Variants in NPAS3 observed in about 807,000 individuals in gnomAD.
NPAS3 encodes the protein neuronal PAS domain-containing protein 3.
In NPAS3, 14 loss-of-function variants were observed where a neutral mutation model predicts 73.1. The observed-to-expected ratio is 0.19, with a 90% confidence interval of 0.13 to 0.30. The LOEUF is 0.30. NPAS3 is among the 10% of genes least tolerant of loss of function. NPAS3 has a pLI of 1.00. For synonymous variants in NPAS3, 620 were observed against 541.5 expected, an observed-to-expected ratio of 1.14 and a Z score of -2.01; for missense variants, 1,096 against 1,250.0, an observed-to-expected ratio of 0.88 and a Z score of 1.86.
At chr14:32,984,016 C>T (rs1356829991) in intron 1 of NPAS3, among the ~76,000 whole-genome samples, 4 of 152,088 alleles carry the variant, frequency 2.6e-5, no homozygotes, top group Admixed American at 2.6e-4. Flanking sequence ...GGCACTGCAC[C>T]CGGCCAAATA....
chr14:33,689,682 C>T (rs891769442), intron 6 of NPAS3, among the ~76,000 whole-genome samples: 1 of 152,186 alleles, frequency 6.6e-6, no homozygotes, highest in African/African-American at 2.4e-5. Context: ...AGGAAATACT[C>T]TTCTGGAAAC....
upstream of NPAS3, among the ~76,000 whole-genome samples, chr14:32,937,512 T>C (rs2035734962): frequency 6.6e-6 from 1 of 152,092 alleles, no homozygotes; most frequent in African/African-American, 2.4e-5. Flanking sequence ...ATCTTGTCCA[T>C]AACACTCTCC....
intron 1 of NPAS3, among the ~76,000 whole-genome samples, chr14:32,954,451 G>T (rs1330913690): frequency 1.3e-5 from 2 of 152,076 alleles, no homozygotes; most frequent in Non-Finnish European, 2.9e-5. Flanking sequence ...TATAGATGAG[G>T]TCATAGCTAG....
chr14:33,516,952 A>G (rs2053329155), intron 4 of NPAS3, among the ~76,000 whole-genome samples: 1 of 152,080 alleles, frequency 6.6e-6, no homozygotes, highest in Admixed American at 6.6e-5. Context: ...TTCTGTATCT[A>G]GATCTTGGTC....
chr14:33,800,965 C>T lies in NPAS3; in HGVS notation c.2658C>T (p.Gly886=), dbSNP rs139403103. 5 of 1,597,882 alleles carry T rather than the reference C, an allele frequency of 3.1e-6. No homozygotes were observed. Among genetic ancestry groups the T allele is most frequent in the African/African-American group, 1.3e-5 (1 of 74,460 alleles). ...GGCTCAACATGTCAGGACCGTTCGG[C>T]GGCGCAGTGAGCGCAGCTAGCCTGA... Residue 886 remains glycine, a synonymous_variant, in exon 12 of 12, where the codon GGC becomes GGT. Coordinates refer to ENST00000356141, the Ensembl canonical transcript of NPAS3. This position sits in a 1 kb window ranked among gnomAD's most constrained non-coding sequence, Gnocchi z 6.5.
intron 5 of NPAS3, among the ~76,000 whole-genome samples, chr14:33,671,713 A>G (rs2059615183): frequency 6.6e-6 from 1 of 152,236 alleles, no homozygotes; most frequent in Non-Finnish European, 1.5e-5. Context: ...GTTCTCTTCC[A>G]GAGTCATTCA....
At chr14:33,260,583 G>A (rs1001763958) in intron 3 of NPAS3, among the ~76,000 whole-genome samples, 1 of 152,054 alleles carries the variant, frequency 6.6e-6, no homozygotes, top group Non-Finnish European at 1.5e-5. Context: ...AGAATCATCA[G>A]CAGCAGATCA....
At chr14:33,672,896 G>A (rs950836572) in intron 5 of NPAS3, among the ~76,000 whole-genome samples, 2 of 152,136 alleles carry the variant, frequency 1.3e-5, no homozygotes, top group African/African-American at 4.8e-5. Context: ...GGTGTCTTCT[G>A]GCTCTAAAAT....
At chr14:33,063,513 G>A (rs888673868) in intron 2 of NPAS3, among the ~76,000 whole-genome samples, 1 of 152,118 alleles carries the variant, frequency 6.6e-6, no homozygotes, top group Admixed American at 6.5e-5. Flanking sequence ...GTGGAATTAG[G>A]ATTAGTATCA....
At chr14:33,340,490 G>A (rs1056105235) in intron 3 of NPAS3, among the ~76,000 whole-genome samples, 13 of 152,288 alleles carry the variant, frequency 8.5e-5, no homozygotes, top group East Asian at 7.7e-4. Flanking sequence ...GGGAGACTCC[G>A]TCTCAAAAAG....
intron 2 of NPAS3, among the ~76,000 whole-genome samples, chr14:33,198,091 C>T (rs750090113): frequency 3.2e-4 from 48 of 151,194 alleles, no homozygotes; most frequent in Non-Finnish European, 6.3e-4. Flanking sequence ...TTGTTCATTC[C>T]TCCCAGTGGG....
chr14:33,209,902 T>G (rs2046967957), intron 2 of NPAS3, among the ~76,000 whole-genome samples: 2 of 152,202 alleles, frequency 1.3e-5, no homozygotes, highest in South Asian at 2.1e-4. Context: ...GATTTTTACA[T>G]AGAAATAGTG....
intron 2 of NPAS3, among the ~76,000 whole-genome samples, chr14:33,192,807 A>G (rs2046218372): frequency 6.6e-6 from 1 of 152,234 alleles, no homozygotes; most frequent in African/African-American, 2.4e-5. Flanking sequence ...AGACAATTCT[A>G]TCACAAGCAC....
chr14:33,221,327 T>C (rs1467496963), intron 3 of NPAS3, among the ~76,000 whole-genome samples: 2 of 152,128 alleles, frequency 1.3e-5, no homozygotes, highest in East Asian at 1.9e-4. Flanking sequence ...GGGAAGCACA[T>C]TGCACCTCTA....
chr14:33,620,311 C>G (rs748717588), intron 5 of NPAS3, among the ~76,000 whole-genome samples: 1 of 152,118 alleles, frequency 6.6e-6, no homozygotes, highest in Non-Finnish European at 1.5e-5. Flanking sequence ...TGTCTCTGTT[C>G]CAAGTTCCTT....
chr14:33,523,592 G>A lies in NPAS3; in HGVS notation c.469-36529G>A, dbSNP rs564052957. ...AGCCTGGCCAACATGGTGAAACCTC[G>A]TCTCCACTAAAAATACAAAAAGATA... is the stretch of plus-strand genomic sequence containing the variant. On this transcript the variant is annotated intron_variant, in intron 4 of 11. Transcript: ENST00000356141. Among the ~76,000 whole-genome samples, 9 of 151,806 alleles carry A rather than the reference G, an allele frequency of 5.9e-5. 1 individual carries two copies. The South Asian group carries it at 8.3e-4, about 14-fold the overall frequency.
At chr14:33,717,343 G>A (rs1410913203) in intron 6 of NPAS3, among the ~76,000 whole-genome samples, 1 of 151,506 alleles carries the variant, frequency 6.6e-6, no homozygotes, top group South Asian at 2.1e-4. Context: ...CCTTCTTTCT[G>A]AGAAGGGGCA....
intron 5 of NPAS3, among the ~76,000 whole-genome samples, chr14:33,625,000 T>C (rs1195766093): frequency 6.6e-6 from 1 of 152,204 alleles, no homozygotes; most frequent in African/African-American, 2.4e-5. Context: ...ATCCATACTG[T>C]TTGATTTCCA....
At chr14:33,471,824 G>A (rs1218488404) in intron 4 of NPAS3, among the ~76,000 whole-genome samples, 1 of 152,226 alleles carries the variant, frequency 6.6e-6, no homozygotes, top group Non-Finnish European at 1.5e-5. Flanking sequence ...GTGAGCAGCA[G>A]GCAAGCGGCG....
Sources: gnomAD v4.1 joint callset for allele counts (sites outside exome capture counted in the v4.1 genomes callset) on GRCh38, gnomAD v4.1.1 for gene constraint, Gnocchi (gnomAD v3.1) non-coding constraint, MANE v1.5 for transcripts, NCBI Gene and HGNC (gene_info 2026-07-23, HGNC 2026-07-21) for gene names.